FGF12: variants seen among roughly 807,000 people sequenced by gnomAD.
FGF12 encodes the protein fibroblast growth factor 12, also known as fibroblast growth factor 12B.
In FGF12, 14 loss-of-function variants were observed where a neutral mutation model predicts 23.6. The observed-to-expected ratio is 0.59, with a 90% confidence interval of 0.39 to 0.93. The LOEUF (loss-of-function observed/expected upper bound fraction) is 0.93, where lower values mean the gene tolerates loss of function less well. FGF12 is among the 40% of genes least tolerant of loss of function. The probability of loss-of-function intolerance (pLI) is 0.00; values close to 1 mark genes in which losing one functional copy is unlikely to be tolerated. For synonymous variants in FGF12, 62 were observed against 77.3 expected, an observed-to-expected ratio of 0.80 and a Z score of 1.04; for missense variants, 175 against 217.8, an observed-to-expected ratio of 0.80 and a Z score of 1.24.
chr3:192,408,248 C>T lies in FGF12; in HGVS notation c.14-47710G>A, dbSNP rs1020537393. 32 of 1,572,360 alleles carry T rather than the reference C, an allele frequency of 2.0e-5. No individual in the cohort carries two copies. The highest frequency in any genetic ancestry group is 2.3e-4 in the Middle Eastern group (1 of 4,370). Reference sequence around the variant, plus strand: ...TAGCTGCTCAGCGAGGGCCTCAGGCCCCAGCCTCTACTGCGCCCTCCGGCT... The same window carrying T: ...TAGCTGCTCAGCGAGGGCCTCAGGCTCCAGCCTCTACTGCGCCCTCCGGCT... On this transcript the variant is annotated intron_variant, in intron 2 of 5. Coordinates refer to ENST00000445105, the MANE Select transcript of FGF12 (RefSeq NM_004113.6). The surrounding 1 kb of genome is among the most constrained non-coding windows in gnomAD (Gnocchi z 7.3).
chr3:192,199,334 C>A (rs1717240067), intron 4 of FGF12, among the ~76,000 whole-genome samples: 1 of 152,172 alleles, frequency 6.6e-6, no homozygotes, highest in Non-Finnish European at 1.5e-5. Flanking sequence ...TCTATTCAAC[C>A]TCCCTAACGT....
At chr3:192,556,712 A>T (rs562907775) in intron 2 of FGF12, among the ~76,000 whole-genome samples, 26 of 152,284 alleles carry the variant, frequency 1.7e-4, no homozygotes, top group African/African-American at 4.6e-4. Flanking sequence ...GAAGATAAAC[A>T]TTCTTCTCAA....
At chr3:192,214,348 TGA>T (rs1185079423) in intron 4 of FGF12, among the ~76,000 whole-genome samples, 7 of 152,252 alleles carry the variant, frequency 4.6e-5, no homozygotes, top group Non-Finnish European at 1.0e-4. Flanking sequence ...AGTGAATCTC[TGA>T]GTAAGCACAG....
chr3:192,544,474 T>C (rs1001298730), intron 2 of FGF12, among the ~76,000 whole-genome samples: 8 of 152,194 alleles, frequency 5.3e-5, no homozygotes, highest in African/African-American at 1.9e-4. Flanking sequence ...CCTTCCTCTC[T>C]GATATTTTAA....
At chr3:192,708,227 G>A (rs924492715) in intron 2 of FGF12, among the ~76,000 whole-genome samples, 11 of 152,066 alleles carry the variant, frequency 7.2e-5, no homozygotes, top group Non-Finnish European at 1.6e-4. Flanking sequence ...CCAAAGTGCT[G>A]GGATTACAGG....
chr3:192,618,709 G>A (rs1714857375), intron 2 of FGF12, among the ~76,000 whole-genome samples: 1 of 151,968 alleles, frequency 6.6e-6, no homozygotes, highest in Non-Finnish European at 1.5e-5. Flanking sequence ...AGGTAATAAC[G>A]CTGTTCAATT....
chr3:192,167,772 A>ATTTTTTTTTTT (rs368951795), intron 5 of FGF12, among the ~76,000 whole-genome samples: 6 of 15,396 alleles, frequency 3.9e-4, no homozygotes, highest in Admixed American at 2.4e-3. Context: ...TATATATAAA[A>ATTTTTTTTTTT]TTTTTTTTTT....
At chr3:192,310,289 C>T (rs562315115) in intron 4 of FGF12, among the ~76,000 whole-genome samples, 93 of 152,134 alleles carry the variant, frequency 6.1e-4, no homozygotes, top group Middle Eastern at 6.8e-3. Context: ...CAACTGTGTG[C>T]TATTTTGATA....
intron 2 of FGF12, among the ~76,000 whole-genome samples, chr3:192,507,628 A>G (rs1724354545): frequency 6.6e-6 from 1 of 152,092 alleles, no homozygotes; most frequent in South Asian, 2.1e-4. Context: ...AGACAATGCA[A>G]CACCAACTTT....
intron 4 of FGF12, among the ~76,000 whole-genome samples, chr3:192,273,856 C>T (rs1713605232): frequency 6.6e-6 from 1 of 151,326 alleles, no homozygotes. Flanking sequence ...CCTTCCTGCT[C>T]AGTGGACTGA....
intron 2 of FGF12, among the ~76,000 whole-genome samples, chr3:192,464,498 T>C (rs955559071): frequency 2.4e-5 from 3 of 123,814 alleles, no homozygotes; most frequent in Non-Finnish European, 5.0e-5. Context: ...TAGTATTCCA[T>C]GGTGTGTGTG....
At chr3:192,687,433 A>G (rs1028355986) in intron 2 of FGF12, among the ~76,000 whole-genome samples, 3 of 152,122 alleles carry the variant, frequency 2.0e-5, no homozygotes, top group Non-Finnish European at 4.4e-5. Flanking sequence ...CCCAGGCAGA[A>G]CTTTGACTCT....
intron 4 of FGF12, among the ~76,000 whole-genome samples, chr3:192,294,376 A>C (rs1217994368): frequency 6.6e-6 from 1 of 152,144 alleles, no homozygotes; most frequent in Non-Finnish European, 1.5e-5. Flanking sequence ...TTAATCTCCC[A>C]AAGGCCCCAT....
intron 3 of FGF12, among the ~76,000 whole-genome samples, chr3:192,338,955 T>G (rs984878442): frequency 2.0e-5 from 3 of 152,192 alleles, no homozygotes; most frequent in Admixed American, 2.0e-4. Flanking sequence ...CACTGGTTTA[T>G]GTAGCTGACC....
intron 2 of FGF12, among the ~76,000 whole-genome samples, chr3:192,561,709 T>C (rs991369169): frequency 6.6e-6 from 1 of 152,282 alleles, no homozygotes; most frequent in East Asian, 1.9e-4. Context: ...CTCTCATACA[T>C]TGGGAGTGTA....
intron 2 of FGF12, among the ~76,000 whole-genome samples, chr3:192,685,354 A>G (rs1441355656): frequency 3.3e-5 from 5 of 152,184 alleles, no homozygotes. Context: ...CCTGGCCTAC[A>G]AAGTTAATAT....
At chr3:192,435,314 T>C (rs2108792830) in intron 2 of FGF12, among the ~76,000 whole-genome samples, 1 of 152,324 alleles carries the variant, frequency 6.6e-6, no homozygotes, top group Non-Finnish European at 1.5e-5. Context: ...AGAATGAATT[T>C]GTAATTACTG....
chr3:192,348,338 A>G (rs1438352490), intron 3 of FGF12, among the ~76,000 whole-genome samples: 1 of 152,168 alleles, frequency 6.6e-6, no homozygotes, highest in Non-Finnish European at 1.5e-5. Context: ...GCTGAATAAT[A>G]CATGAAAATA....
At chr3:192,179,567 A>G (rs1160876477) in intron 4 of FGF12, among the ~76,000 whole-genome samples, 1 of 139,810 alleles carries the variant, frequency 7.2e-6, no homozygotes, top group African/African-American at 2.7e-5. Context: ...TTTTTTTTTG[A>G]GACAGTCTTG....
Sources: gnomAD v4.1 joint callset for allele counts (sites outside exome capture counted in the v4.1 genomes callset) on GRCh38, gnomAD v4.1.1 for gene constraint, Gnocchi (gnomAD v3.1) non-coding constraint, MANE v1.5 for transcripts, NCBI Gene and HGNC (gene_info 2026-07-23, HGNC 2026-07-21) for gene names.